Variants in SCRIB observed in about 807,000 individuals in gnomAD.
SCRIB encodes scribble planar cell polarity protein.
A neutral mutation model predicts 170.0 loss-of-function variants in SCRIB; 72 were observed. That is an observed-to-expected ratio of 0.42 (90% CI 0.35 to 0.52). SCRIB has a LOEUF of 0.52. Among genes scored for constraint, SCRIB ranks in the 20% least tolerant of loss-of-function variants. SCRIB has a pLI of 0.02. For missense variants in SCRIB, 2,475 were observed against 2,338.5 expected (o/e 1.06, Z -1.20); for synonymous variants, 1,298 against 1,044.3 (o/e 1.24, Z -4.68).
In SCRIB at chr8:143,792,642, G is replaced by C. The variant is rs372182643; in HGVS notation, c.4178-7C>G. The C allele has an allele frequency of 9.7e-4, 1,550 of 1,593,034 alleles. 1 individual carries two copies. The highest frequency in any genetic ancestry group is 1.3e-3 in the Non-Finnish European group (1,485 of 1,177,178). On this transcript the variant is annotated splice_region_variant and splice_polypyrimidine_tract_variant and intron_variant, in intron 30 of 36. Coordinates refer to ENST00000356994, the MANE Select transcript of SCRIB (RefSeq NM_182706.5). ...TTCTGCTGTAGTTTTCTGGCTGCCG[G>C]AGGGCAGGGTGGGTCAGGCCAGACC...
Position 143,791,154 on chromosome 8 carries a change from C to A in SCRIB, c.*9G>T. ...CCCCACCCCAAGTCTGGGGGAGGTG[C>A]CTGCTCCTCTAGGAGGGCACAGGGC... On this transcript the variant is annotated 3_prime_UTR_variant, in exon 37 of 37. Transcript: ENST00000356994. The A allele has an allele frequency of 7.2e-7, 1 of 1,396,590 alleles. No homozygotes were observed. The highest frequency in any genetic ancestry group is 9.3e-7 in the Non-Finnish European group (1 of 1,074,328). The allele number at this position is 1,396,590 out of a possible 1,614,324, so 86.5% of individuals were successfully genotyped here.
intron 24 of SCRIB, among the ~76,000 whole-genome samples, chr8:143,800,342 G>C (rs1815124088): frequency 6.6e-6 from 1 of 152,198 alleles, no homozygotes; most frequent in South Asian, 2.1e-4. Context: ...TGTTGTAAGA[G>C]AGTCTACAGC....
rs778817935 is a variant in SCRIB at position 143,810,538 on chromosome 8, G to A, written c.1471C>T (p.Arg491Trp). The change falls in exon 13 of 37, where the codon CGG becomes TGG. Residue 491 changes from arginine (R) to tryptophan (W), a missense_variant. This residue lies in a region of SCRIB where 1,966 missense variants were observed against 1,742.9 expected (regional missense o/e 1.13). Transcript: ENST00000356994. Reference sequence around the variant, plus strand: ...TGGCAAGGGCAGGCCTCGCTCCGCCGCCCCTCGATGCTCCTCTTCATCACC... The same window carrying A: ...TGGCAAGGGCAGGCCTCGCTCCGCCACCCCTCGATGCTCCTCTTCATCACC... ...LKVMKRSIEG[R>W]RSEACPCQPD... 24 of 1,613,250 alleles carry A rather than the reference G, an allele frequency of 1.5e-5. No homozygotes were observed. Among genetic ancestry groups the A allele is most frequent in the South Asian group, 1.3e-4 (12 of 91,084 alleles).
rs782410277 is a variant in SCRIB, at chr8:143,803,714, C to T, written c.3347G>A (p.Arg1116His). 6.9e-6 allele frequency: 11 copies of T among 1,590,450 alleles called. No homozygotes were observed. In the African/African-American group the frequency reaches 8.0e-5, roughly 12 times the overall value. The change falls in exon 23 of 37, where the codon CGC becomes CAC. Residue 1116 changes from arginine to histidine, a missense_variant. Arg to His is a conservative substitution (Grantham distance 29). Around this residue, in one of 3 missense-constraint regions of SCRIB, gnomAD observed 1,966 missense variants for 1,742.9 expected, o/e 1.13. Coordinates refer to ENST00000356994, the MANE Select transcript of SCRIB (RefSeq NM_182706.5). ...APGERLGISI[R>H]GGARGHAGNP... is the part of the protein sequence containing the mutation. ...GCCAGCGTGGCCCCTGGCACCCCCGCGGATGCTGATGCCCAGCCTCTCCCC... is the reference window on the plus strand; with the variant it reads ...GCCAGCGTGGCCCCTGGCACCCCCGTGGATGCTGATGCCCAGCCTCTCCCC...
chr8:143,806,548 C>T (rs1815434358), intron 17 of SCRIB, 64 bp from the exon 18 acceptor site: 12 of 1,364,030 alleles, frequency 8.8e-6, no homozygotes, highest in Middle Eastern at 3.8e-4. Flanking sequence ...GCTCCTTCTG[C>T]AGAAGACCCA....
At position 143,803,686 on chromosome 8, in the gene SCRIB, G is replaced by T. The variant is rs782499833; in HGVS notation, c.3375C>A (p.Asn1125Lys). Residue 1125 changes from asparagine to lysine, a missense_variant, in exon 23 of 37, where the codon AAC (asparagine) becomes AAA (lysine). Asn to Lys is a moderately conservative substitution (Grantham distance 94). Coordinates refer to ENST00000356994, the MANE Select transcript of SCRIB (RefSeq NM_182706.5). Reference sequence around the variant, plus strand: ...TGCCCTCGTCTGTGGGGTCGCGGGGGTTGCCAGCGTGGCCCCTGGCACCCC... The same window carrying T: ...TGCCCTCGTCTGTGGGGTCGCGGGGTTTGCCAGCGTGGCCCCTGGCACCCC... ...IRGGARGHAG[N>K]PRDPTDEGIF... 8 of 1,579,496 alleles carry T rather than the reference G, an allele frequency of 5.1e-6. No individual in the cohort carries two copies. The South Asian group carries it at 9.1e-5, about 18-fold the overall frequency.
intron 13 of SCRIB, 75 bp from the exon 14 acceptor site, chr8:143,809,793 T>C (rs1815623153): frequency 2.6e-6 from 4 of 1,533,690 alleles, no homozygotes; most frequent in Non-Finnish European, 3.5e-6. Flanking sequence ...GCCCCCCACG[T>C]GGCAGGCCTT....
chr8:143,803,748 T>C lies in SCRIB; in HGVS notation c.3313A>G (p.Lys1105Glu), dbSNP rs1815277633. 1 of 1,600,550 alleles carries C rather than the reference T, an allele frequency of 6.2e-7. No individual in the cohort carries two copies. The highest frequency in any genetic ancestry group is 8.5e-7 in the Non-Finnish European group (1 of 1,178,986). ...PPGLRELCIQ[K>E]APGERLGISI... ...ATGCCCAGCCTCTCCCCAGGTGCCT[T>C]CTGGATGCACAGTTCCCGTAGGCCC... is the stretch of plus-strand genomic sequence containing the variant. The change falls in exon 23 of 37, where the codon AAG becomes GAG. Residue 1105 changes from lysine to glutamate, a missense_variant. Lys to Glu is a moderately conservative substitution (Grantham distance 56). Around this residue, in one of 3 missense-constraint regions of SCRIB, gnomAD observed 1,966 missense variants for 1,742.9 expected, o/e 1.13. Transcript: ENST00000356994.
intron 24 of SCRIB, among the ~76,000 whole-genome samples, chr8:143,801,896 C>T (rs1388444520): frequency 1.3e-5 from 2 of 152,204 alleles, no homozygotes; most frequent in East Asian, 1.9e-4. Context: ...CGACATGTCA[C>T]GGCAGGCTCG....
In SCRIB at chr8:143,805,274, G is replaced by A. The variant is rs1815371564; in HGVS notation, c.2508C>T (p.Pro836=). Residue 836 remains proline, a synonymous_variant, in exon 19 of 37, where the codon CCC becomes CCT. Coordinates refer to ENST00000356994, the MANE Select transcript of SCRIB (RefSeq NM_182706.5). ...TPLRPEDDYS[P]RERRGGGLRL... Reference sequence around the variant, plus strand: ...GCAGCCCCCCTCCCCGCCGCTCTCGGGGGCTGTAATCATCCTCGGGCCGCA... The same window carrying A: ...GCAGCCCCCCTCCCCGCCGCTCTCGAGGGCTGTAATCATCCTCGGGCCGCA... 6 of 1,555,116 alleles carry A rather than the reference G, an allele frequency of 3.9e-6. No individual in the cohort carries two copies. In the South Asian group the frequency reaches 7.0e-5, roughly 18 times the overall value.
At chr8:143,798,375 A>AGGATGCGGACTGTACGTCCC (rs147447992) in intron 24 of SCRIB, among the ~76,000 whole-genome samples, 40,286 of 152,094 alleles carry the variant, frequency 0.26, 6,838 homozygotes, top group Non-Finnish European at 0.38. Flanking sequence ...CTGAGAACAC[A>AGGATGCGGACTGTACGTCCC]GGATGCGGAC....
chr8:143,806,551 A>C (rs1312291071), intron 17 of SCRIB, 67 bp from the exon 18 acceptor site: 7 of 1,353,060 alleles, frequency 5.2e-6, no homozygotes, highest in Non-Finnish European at 7.2e-6. Flanking sequence ...CCTTCTGCAG[A>C]AGACCCAGGA....
At position 143,806,945 on chromosome 8, in the gene SCRIB, T is replaced by C. The variant is rs1554636737; in HGVS notation, c.2247A>G (p.Thr749=). 24 of 1,612,682 alleles carry C rather than the reference T, an allele frequency of 1.5e-5. No homozygotes were observed. Among genetic ancestry groups the C allele is most frequent in the Non-Finnish European group, 2.0e-5 (23 of 1,179,424 alleles). ...TCACCTCGTCGTCCCCCTTATAGGG[T>C]GTGGAGCCCTTGCCGCCCGCAATGC... is the stretch of plus-strand genomic sequence containing the variant. ...GISIAGGKGS[T]PYKGDDEGIF... The change falls in exon 17 of 37, where the codon ACA becomes ACG. Residue 749 remains threonine (T), a synonymous_variant. Transcript: ENST00000356994.
chr8:143,803,706 C>G lies in SCRIB; in HGVS notation c.3355G>C (p.Ala1119Pro), dbSNP rs782213443. 3 of 1,586,640 alleles carry G rather than the reference C, an allele frequency of 1.9e-6. No homozygotes were observed. The East Asian group carries it at 6.8e-5, about 36-fold the overall frequency. ...ERLGISIRGG[A>P]RGHAGNPRDP... Reference sequence around the variant, plus strand: ...CGGGGGTTGCCAGCGTGGCCCCTGGCACCCCCGCGGATGCTGATGCCCAGC... The same window carrying G: ...CGGGGGTTGCCAGCGTGGCCCCTGGGACCCCCGCGGATGCTGATGCCCAGC... The change falls in exon 23 of 37, where the codon GCC (alanine) becomes CCC (proline). Residue 1119 changes from alanine to proline, a missense_variant. Physicochemically the swap from Ala to Pro is conservative, Grantham distance 27 (BLOSUM62 -1). Around this residue, in one of 3 missense-constraint regions of SCRIB, gnomAD observed 1,966 missense variants for 1,742.9 expected, o/e 1.13. Coordinates refer to ENST00000356994, the MANE Select transcript of SCRIB (RefSeq NM_182706.5).
chr8:143,793,062 C>T lies in SCRIB; in HGVS notation c.3931G>A (p.Asp1311Asn). ...TGCTTCACATTGGCGGGCAGCTCATCCGGAGAAGGCGGGGAGGGCGGCTGG... is the reference window on the plus strand; with the variant it reads ...TGCTTCACATTGGCGGGCAGCTCATTCGGAGAAGGCGGGGAGGGCGGCTGG... ...GQQPPSPPSP[D>N]ELPANVKQAY... Residue 1311 changes from aspartate (D) to asparagine (N), a missense_variant, in exon 29 of 37, where the codon GAT becomes AAT. Asp to Asn is a conservative substitution (Grantham distance 23). This residue lies in a region of SCRIB where 1,966 missense variants were observed against 1,742.9 expected (regional missense o/e 1.13). Coordinates refer to ENST00000356994, the MANE Select transcript of SCRIB (RefSeq NM_182706.5). The T allele has an allele frequency of 6.7e-7, 1 of 1,488,766 alleles. No individual in the cohort carries two copies. The highest frequency in any genetic ancestry group is 8.9e-7 in the Non-Finnish European group (1 of 1,118,554). 92.2% of individuals were successfully genotyped at this position (1,488,766 alleles called of 1,614,324 possible).
rs781997894 is a variant in SCRIB, at chr8:143,803,468, G to A, written c.3518C>T (p.Ala1173Val). The change falls in exon 24 of 37, where the codon GCG becomes GTG. Residue 1173 changes from alanine to valine, a missense_variant. Coordinates refer to ENST00000356994, the MANE Select transcript of SCRIB (RefSeq NM_182706.5). ...QSLLGLTHGE[A>V]VQLLRSVGDT... ...GCCCACACTGCGGAGCAGCTGCACC[G>A]CCTCGCCGTGCGTCAGGCCCAGCAG... The A allele has an allele frequency of 1.9e-6, 3 of 1,599,008 alleles. No homozygotes were observed. Among genetic ancestry groups the A allele is most frequent in the Admixed American group, 1.7e-5 (1 of 59,800 alleles).
chr8:143,803,302 C>T, intron 24 of SCRIB, 81 bp downstream of exon 24: 1 of 1,360,120 alleles, frequency 7.4e-7, no homozygotes, highest in Non-Finnish European at 9.8e-7. Flanking sequence ...GACCCGTCGC[C>T]TGCCCCGAGA....
In SCRIB at chr8:143,811,126, AG is replaced by A; in HGVS notation, c.1106+19del. 1 of 1,599,614 alleles carries A rather than the reference AG, an allele frequency of 6.3e-7. No homozygotes were observed. Among genetic ancestry groups the A allele is most frequent in the South Asian group, 1.1e-5 (1 of 89,612 alleles). The stretch of plus-strand genomic sequence containing the variant: ...GCGTTGGGGCCACGGTTAGGCCCGC[AG>A]GGCAAGGCTGGCACTCACCGGTTCC... On this transcript the variant is annotated intron_variant, in intron 10 of 36. Transcript: ENST00000356994.
In SCRIB at chr8:143,804,769, G is replaced by C. The variant is rs782140486; in HGVS notation, c.2808C>G (p.Thr936=). ...ARHDHAVSLL[T]AASPTIALLL... ...GCAGGGCGATGGTGGGGGAGGCAGC[G>C]GTCAGCAGGGAGACGGCGTGGTCAT... is the stretch of plus-strand genomic sequence containing the variant. Residue 936 remains threonine (T), a synonymous_variant, in exon 21 of 37, where the codon ACC becomes ACG. Transcript: ENST00000356994. 6.2e-7 allele frequency: 1 copy of C among 1,603,648 alleles called. No individual in the cohort carries two copies. Among genetic ancestry groups the C allele is most frequent in the East Asian group, 2.2e-5 (1 of 44,644 alleles).
Sources: gnomAD v4.1 joint callset for allele counts (sites outside exome capture counted in the v4.1 genomes callset) on GRCh38, gnomAD v4.1.1 for gene constraint, gnomAD v4.1.1 regional missense constraint, MANE v1.5 for transcripts, NCBI Gene and HGNC (gene_info 2026-07-23, HGNC 2026-07-21) for gene names.